The following DPP10 variants were observed in gnomAD, a reference collection of about 807,000 sequenced individuals.
DPP10 encodes dipeptidyl peptidase like 10, also known as inactive dipeptidyl peptidase 10.
A neutral mutation model predicts 120.9 loss-of-function variants in DPP10; 33 were observed. The ratio of observed to expected loss-of-function variants is 0.27; its 90% CI spans 0.21 to 0.37. The LOEUF (loss-of-function observed/expected upper bound fraction) is 0.37. Ranked by LOEUF, DPP10 falls within the 10% of genes least tolerant of loss-of-function variation. The pLI is 1.00. For synonymous variants in DPP10, 337 were observed against 326.1 expected (o/e 1.03, Z -0.36); for missense variants, 816 against 942.8 (o/e 0.87, Z 1.76).
chr2:115,619,034 A>G (rs147049322), intron 5 of DPP10, among the ~76,000 whole-genome samples: 1 of 119,162 alleles, frequency 8.4e-6, no homozygotes, highest in Non-Finnish European at 1.7e-5. Context: ...TGTGGAGCAG[A>G]CTTGCCAAGT....
At chr2:115,241,945 A>G (rs1047511686) in intron 1 of DPP10, among the ~76,000 whole-genome samples, 3 of 152,228 alleles carry the variant, frequency 2.0e-5, no homozygotes, top group Admixed American at 6.5e-5. Flanking sequence ...TGTTATTACT[A>G]GAACGACTTG....
chr2:115,588,136 C>A (rs11123314), intron 5 of DPP10, among the ~76,000 whole-genome samples: 63,396 of 152,064 alleles, frequency 0.42, 16,102 homozygotes, highest in Non-Finnish European at 0.58. Flanking sequence ...AAACTGTTCT[C>A]TTTAATACTT....
chr2:114,941,637 G>A (rs932094779), intron 1 of DPP10, among the ~76,000 whole-genome samples: 5 of 152,128 alleles, frequency 3.3e-5, no homozygotes, highest in South Asian at 4.1e-4. Context: ...GAAAGTTGCC[G>A]TATTGCAACA....
chr2:114,803,818 G>A (rs1684479647), intron 1 of DPP10, among the ~76,000 whole-genome samples: 1 of 152,186 alleles, frequency 6.6e-6, no homozygotes, highest in Non-Finnish European at 1.5e-5. Context: ...TGATTATGTG[G>A]ATAGAAAAGA....
At chr2:114,899,739 C>G (rs1306191060) in intron 1 of DPP10, among the ~76,000 whole-genome samples, 1 of 152,056 alleles carries the variant, frequency 6.6e-6, no homozygotes, top group Non-Finnish European at 1.5e-5. Context: ...GGGCAGATCA[C>G]GAGGTCAGGA....
intron 1 of DPP10, among the ~76,000 whole-genome samples, chr2:115,208,205 CT>C (rs72174314): frequency 3.2e-4 from 39 of 123,440 alleles, no homozygotes; most frequent in Admixed American, 7.5e-4. Flanking sequence ...TTTTTTTTTT[CT>C]TTTTTTTTTT....
At chr2:114,621,927 G>A (rs1308647767) in intron 1 of DPP10, among the ~76,000 whole-genome samples, 3 of 151,766 alleles carry the variant, frequency 2.0e-5, no homozygotes, top group Non-Finnish European at 2.9e-5. Flanking sequence ...ACTAGCCCTG[G>A]GCTGGCTGCT....
At chr2:114,791,794 CA>C (rs1683265977) in intron 1 of DPP10, among the ~76,000 whole-genome samples, 1 of 151,986 alleles carries the variant, frequency 6.6e-6, no homozygotes, top group Non-Finnish European at 1.5e-5. Flanking sequence ...TTCCAATATA[CA>C]TAGGAGGTGG....
chr2:115,306,525 G>A (rs549773521), intron 1 of DPP10, among the ~76,000 whole-genome samples: 1 of 152,092 alleles, frequency 6.6e-6, no homozygotes, highest in African/African-American at 2.4e-5. Flanking sequence ...TTTAGCCAGT[G>A]TAGGGATGTT....
chr2:115,841,764 G>C (rs371290924), intron 25 of DPP10, among the ~76,000 whole-genome samples: 1 of 152,148 alleles, frequency 6.6e-6, no homozygotes, highest in Admixed American at 6.5e-5. Flanking sequence ...AATTGCACCA[G>C]ACAATGTTAA....
At chr2:115,026,139 A>G (rs1035416134) in intron 1 of DPP10, among the ~76,000 whole-genome samples, 3 of 152,122 alleles carry the variant, frequency 2.0e-5, no homozygotes, top group Non-Finnish European at 4.4e-5. Flanking sequence ...TTCTTTTAGT[A>G]GTTTCATAGT....
chr2:115,005,926 A>G (rs938122794), intron 1 of DPP10, among the ~76,000 whole-genome samples: 3 of 152,176 alleles, frequency 2.0e-5, no homozygotes, highest in Non-Finnish European at 4.4e-5. Flanking sequence ...CAGATTCACC[A>G]AAGTTGAAAT....
chr2:115,791,066 CT>C lies in DPP10; in HGVS notation c.1532-10del. 2 of 1,597,804 alleles carry C rather than the reference CT, an allele frequency of 1.3e-6. No homozygotes were observed. The highest frequency in any genetic ancestry group is 1.7e-6 in the Non-Finnish European group (2 of 1,168,736). On this transcript the variant is annotated splice_polypyrimidine_tract_variant and intron_variant, in intron 17 of 25. Transcript: ENST00000410059. ...ATAGGGGTTAGCTATTTACACTACC[CT>C]TTTTGGTTTACAGAATATTTTATAT... is the stretch of plus-strand genomic sequence containing the variant.
chr2:115,474,117 G>A (rs1322393969), intron 3 of DPP10, among the ~76,000 whole-genome samples: 2 of 152,122 alleles, frequency 1.3e-5, no homozygotes, highest in Non-Finnish European at 1.5e-5. Context: ...CAGGTAGATT[G>A]TTTTGCAATG....
intron 1 of DPP10, among the ~76,000 whole-genome samples, chr2:114,682,059 A>T (rs1699062591): frequency 6.6e-6 from 1 of 151,952 alleles, no homozygotes; most frequent in Non-Finnish European, 1.5e-5. Flanking sequence ...GAAGTGCTGA[A>T]AATTAAGGCA....
chr2:115,127,825 T>A (rs1451521236), intron 1 of DPP10, among the ~76,000 whole-genome samples: 1 of 152,186 alleles, frequency 6.6e-6, no homozygotes, highest in Non-Finnish European at 1.5e-5. Flanking sequence ...GACATTTTTT[T>A]AAATGGGTGT....
intron 1 of DPP10, among the ~76,000 whole-genome samples, chr2:115,197,109 C>T (rs572265672): frequency 6.6e-6 from 1 of 152,012 alleles, no homozygotes; most frequent in Non-Finnish European, 1.5e-5. Context: ...AAGGAGTAGG[C>T]AAGGCCGGGA....
intron 5 of DPP10, among the ~76,000 whole-genome samples, chr2:115,561,383 A>G (rs1002021009): frequency 4.2e-4 from 63 of 149,630 alleles, no homozygotes; most frequent in African/African-American, 1.5e-3. Context: ...AAAAAAAAAA[A>G]AGGAATCTCA....
In DPP10 at chr2:115,406,869, TAGAG is replaced by T. The variant is rs1181476235; in HGVS notation, c.271+62959_271+62962del. 3.3e-5 allele frequency among the ~76,000 whole-genome samples: 5 copies of T among 152,236 alleles called. No homozygotes were observed. In the East Asian group the frequency reaches 5.8e-4, roughly 18 times the overall value. On this transcript the variant is annotated intron_variant, in intron 3 of 25. Coordinates refer to ENST00000410059, the MANE Select transcript of DPP10 (RefSeq NM_020868.6). Reference sequence around the variant, plus strand: ...ATTTCAACACCCTTTTCTTAATTGATAGAGAAAGAACAGACTAAATAAGTAAAGA... The same window carrying T: ...ATTTCAACACCCTTTTCTTAATTGATAAAGAACAGACTAAATAAGTAAAGA...
Sources: allele counts gnomAD v4.1 joint callset (sites outside exome capture counted in the v4.1 genomes callset), GRCh38; gene constraint gnomAD v4.1.1; transcripts MANE v1.5; gene names NCBI Gene and HGNC (gene_info 2026-07-23, HGNC 2026-07-21).